The following ZMIZ1 variants were observed in gnomAD, a reference collection of about 807,000 sequenced individuals.
The protein encoded by ZMIZ1 is zinc finger MIZ-type containing 1.
Under a neutral mutation model 113.9 loss-of-function variants are expected in ZMIZ1, and 17 were observed. That is an observed-to-expected ratio of 0.15 (90% CI 0.10 to 0.22). The LOEUF is 0.22. Among genes scored for constraint, ZMIZ1 ranks in the 10% least tolerant of loss-of-function variants. The pLI, the probability that ZMIZ1 is intolerant of heterozygous loss-of-function variation, is 1.00. For synonymous variants in ZMIZ1, 607 were observed against 603.1 expected (o/e 1.01, Z -0.09); for missense variants, 1,059 against 1,477.8 (o/e 0.72, Z 4.65).
At chr10:79,159,740 A>G (rs1483088530) in intron 3 of ZMIZ1, among the ~76,000 whole-genome samples, 1 of 152,130 alleles carries the variant, frequency 6.6e-6, no homozygotes, top group African/African-American at 2.4e-5. Context: ...GGGTGGTCCA[A>G]TGCAGGCTCA....
chr10:79,091,913 C>A (rs1257266456), intron 1 of ZMIZ1, among the ~76,000 whole-genome samples: 1 of 152,144 alleles, frequency 6.6e-6, no homozygotes, highest in Non-Finnish European at 1.5e-5. Flanking sequence ...TGACAGGGAG[C>A]CACCTGGGTT....
chr10:79,240,826 G>A (rs1849798308), intron 7 of ZMIZ1, among the ~76,000 whole-genome samples: 1 of 151,808 alleles, frequency 6.6e-6, no homozygotes, highest in African/African-American at 2.4e-5. Flanking sequence ...AGTTTCCTGG[G>A]CAATGCCACC....
intron 1 of ZMIZ1, among the ~76,000 whole-genome samples, chr10:79,105,264 C>T (rs1843515241): frequency 6.6e-6 from 1 of 152,198 alleles, no homozygotes; most frequent in Non-Finnish European, 1.5e-5. Flanking sequence ...GCCTAAGTGC[C>T]TCCGTGTGGC....
chr10:79,242,725 C>T (rs1271597255), intron 7 of ZMIZ1, among the ~76,000 whole-genome samples: 3 of 151,922 alleles, frequency 2.0e-5, no homozygotes, highest in Non-Finnish European at 4.4e-5. Flanking sequence ...GGCGACAGCG[C>T]TCCGGGAGCC....
chr10:79,201,510 A>C (rs1848078614), intron 4 of ZMIZ1, 74 bp from the exon 5 acceptor site: 1 of 1,092,794 alleles, frequency 9.2e-7, no homozygotes, highest in Non-Finnish European at 1.4e-6. Context: ...TTGTGGCCAG[A>C]GGGCAGTTGG....
rs1325290883 is a variant in ZMIZ1 at position 79,293,433 on chromosome 10, G to A, written c.1010G>A (p.Arg337Gln). ...NSQFMNQPGP[R>Q]GPASMGGSMN... ...CAATTCATGAACCAGCCCGGGCCGC[G>A]GGGGCCTGCCTCCATGGGGGGCAGC... The change falls in exon 12 of 25, where the codon CGG becomes CAG. Residue 337 changes from arginine (R) to glutamine (Q), a missense_variant. This residue lies in a region of ZMIZ1 where 83 missense variants were observed against 103.7 expected (regional missense o/e 0.80). Coordinates refer to ENST00000334512, the MANE Select transcript of ZMIZ1 (RefSeq NM_020338.4). 7 of 1,526,596 alleles carry A rather than the reference G, an allele frequency of 4.6e-6. No homozygotes were observed. Among genetic ancestry groups the A allele is most frequent in the Non-Finnish European group, 6.2e-6 (7 of 1,137,564 alleles). The allele number at this position is 1,526,596 out of a possible 1,614,324, so 94.6% of individuals were successfully genotyped here.
At chr10:79,144,240 G>A (rs571554448) in intron 3 of ZMIZ1, among the ~76,000 whole-genome samples, 1 of 152,246 alleles carries the variant, frequency 6.6e-6, no homozygotes, top group East Asian at 1.9e-4. Flanking sequence ...TGAACTGATG[G>A]GTAAAACAGG....
At chr10:79,287,819 G>C (rs923687639) in intron 8 of ZMIZ1, among the ~76,000 whole-genome samples, 1 of 152,198 alleles carries the variant, frequency 6.6e-6, no homozygotes, top group African/African-American at 2.4e-5. Context: ...GATTGAGTGA[G>C]GAAACTTGCA....
chr10:79,313,360 C>T lies in ZMIZ1; in HGVS notation c.*611C>T, dbSNP rs1466739545. On this transcript the variant is annotated 3_prime_UTR_variant, in exon 25 of 25. Transcript: ENST00000334512. ...CAGGGGTCATCGGTTTGACCCCTGA[C>T]CTATAAGCCAAGATACCCCATAAAC... The T allele has an allele frequency of 2.6e-5, 4 of 155,924 alleles. No individual in the cohort carries two copies. Among genetic ancestry groups the T allele is most frequent in the African/African-American group, 4.8e-5 (2 of 41,374 alleles). 9.7% of individuals were successfully genotyped at this position (155,924 alleles called of 1,614,324 possible). A position where few individuals can be genotyped will look rare whatever the true frequency, so the allele number is the denominator to read the frequency against.
At chr10:79,149,854 C>T (rs918540077) in intron 3 of ZMIZ1, among the ~76,000 whole-genome samples, 1 of 152,224 alleles carries the variant, frequency 6.6e-6, no homozygotes, top group Non-Finnish European at 1.5e-5. Flanking sequence ...CAGGGGCCCC[C>T]GCTCAGCTGT....
intron 24 of ZMIZ1, 82 bp from the exon 25 acceptor site, chr10:79,312,560 G>A (rs1589626880): frequency 4.8e-6 from 7 of 1,472,898 alleles, no homozygotes; most frequent in East Asian, 2.3e-5. Context: ...AGGGGGACGG[G>A]CCAGGGCGCC....
intron 7 of ZMIZ1, among the ~76,000 whole-genome samples, chr10:79,218,074 G>T (rs1848810984): frequency 6.6e-6 from 1 of 152,228 alleles, no homozygotes; most frequent in African/African-American, 2.4e-5. Flanking sequence ...GGGCCACCAA[G>T]CTTTTTTCCA....
chr10:79,297,724 A>G, intron 14 of ZMIZ1, 34 bp downstream of exon 14: 1 of 1,595,286 alleles, frequency 6.3e-7, no homozygotes, highest in Non-Finnish European at 8.6e-7. Context: ...ATTCTAAGCC[A>G]CAGGGAGTTG....
chr10:79,206,769 C>T (rs138664971), intron 5 of ZMIZ1, among the ~76,000 whole-genome samples: 12 of 152,344 alleles, frequency 7.9e-5, no homozygotes, highest in Non-Finnish European at 1.5e-4. Flanking sequence ...GTATAAGCCT[C>T]ATCTTGTTTA....
At chr10:79,280,639 A>G (rs1108033) in intron 8 of ZMIZ1, among the ~76,000 whole-genome samples, 83,454 of 145,412 alleles carry the variant, frequency 0.57, 24,284 homozygotes, top group African/African-American at 0.73. Context: ...GTCCCTACCC[A>G]CTCTGTTCTT....
At chr10:79,273,969 G>A (rs933681034) in intron 7 of ZMIZ1, among the ~76,000 whole-genome samples, 4 of 152,254 alleles carry the variant, frequency 2.6e-5, no homozygotes, top group Non-Finnish European at 4.4e-5. Context: ...GGGCCCAAGC[G>A]AGCTGCATTT....
At chr10:79,183,890 G>C (rs1847238720) in intron 4 of ZMIZ1, among the ~76,000 whole-genome samples, 1 of 152,214 alleles carries the variant, frequency 6.6e-6, no homozygotes, top group Non-Finnish European at 1.5e-5. Context: ...TGGAATCCCA[G>C]CTGTGCCCCT....
In ZMIZ1 at chr10:79,080,208, C is replaced by T. The variant is rs138461617; in HGVS notation, c.-337+10938C>T. 1.0e-3 allele frequency among the ~76,000 whole-genome samples: 154 copies of T among 152,228 alleles called. 1 individual carries two copies. The highest frequency in any genetic ancestry group is 3.5e-3 in the African/African-American group (145 of 41,534). ...GCAAGTAAGGGGATTTCTTGGCTCT[C>T]CGCCTGTCTGCCCTGTGTGCCCGGC... is the stretch of plus-strand genomic sequence containing the variant. On this transcript the variant is annotated intron_variant, in intron 1 of 24. Coordinates refer to ENST00000334512, the MANE Select transcript of ZMIZ1 (RefSeq NM_020338.4).
At position 79,298,538 on chromosome 10, in the gene ZMIZ1, C is replaced by G. The variant is rs755618668; in HGVS notation, c.1624C>G (p.Pro542Ala). ...CCAAGACGTCAAACCACCCTTCCCG[C>G]CTGACATCAAGCCAAATATGAGCGC... Reference protein sequence around the residue: ...PSQDVKPPFPPDIKPNMSALP... With the variant: ...PSQDVKPPFPADIKPNMSALP... The change falls in exon 15 of 25, where the codon CCT becomes GCT. Residue 542 changes from proline to alanine, a missense_variant. Coordinates refer to ENST00000334512, the MANE Select transcript of ZMIZ1 (RefSeq NM_020338.4). 1 of 1,602,128 alleles carries G rather than the reference C, an allele frequency of 6.2e-7. No individual in the cohort carries two copies. Among genetic ancestry groups the G allele is most frequent in the South Asian group, 1.1e-5 (1 of 90,206 alleles).
Sources: gnomAD v4.1 joint callset for allele counts (sites outside exome capture counted in the v4.1 genomes callset) on GRCh38, gnomAD v4.1.1 for gene constraint, gnomAD v4.1.1 regional missense constraint, MANE v1.5 for transcripts, NCBI Gene and HGNC (gene_info 2026-07-23, HGNC 2026-07-21) for gene names.